DNAH1: variants seen among roughly 807,000 people sequenced by gnomAD.
DNAH1 encodes axonemal beta dynein heavy chain 1.
DNAH1 carries 327 observed loss-of-function variants against 484.3 expected under a neutral mutation model. The ratio of observed to expected loss-of-function variants is 0.68; its 90% CI spans 0.62 to 0.74. The LOEUF is 0.74. Ranked by LOEUF, DNAH1 falls within the 30% of genes least tolerant of loss-of-function variation. DNAH1 has a pLI of 0.00. For synonymous variants in DNAH1, 2,192 were observed against 2,191.9 expected (o/e 1.00, Z 0.00); for missense variants, 5,052 against 5,546.8 (o/e 0.91, Z 2.83).
chr3:52,367,765 A>T (rs973347888), intron 36 of DNAH1, among the ~76,000 whole-genome samples: 2 of 152,038 alleles, frequency 1.3e-5, no homozygotes, highest in African/African-American at 4.8e-5. Flanking sequence ...TAGAGACAAG[A>T]TTTCACCATG....
chr3:52,374,498 T>A (rs1476093644), intron 44 of DNAH1: 4 of 1,447,204 alleles, frequency 2.8e-6, no homozygotes, highest in South Asian at 1.1e-5. Context: ...CGATTTTAGA[T>A]GTCATTGAAC....
chr3:52,394,493 G>C lies in DNAH1; in HGVS notation c.10655G>C (p.Gly3552Ala). ...GAGTGGCGATACCTCCTGTCTGGGG[G>C]CTCCATCTCGATCATGACTGAGAAT... ...QSEWRYLLSG[G>A]SISIMTENPA... The change falls in exon 67 of 78, where the codon GGC becomes GCC. Residue 3552 changes from glycine (G) to alanine (A), a missense_variant. Gly to Ala is a moderately conservative substitution (Grantham distance 60). Coordinates refer to ENST00000420323, the MANE Select transcript of DNAH1 (RefSeq NM_015512.5). 6.2e-7 allele frequency: 1 copy of C among 1,613,982 alleles called. No homozygotes were observed. Among genetic ancestry groups the C allele is most frequent in the Non-Finnish European group, 8.5e-7 (1 of 1,179,866 alleles).
intron 11 of DNAH1, 85 bp downstream of exon 11, chr3:52,346,855 C>A (rs1455845018): frequency 7.0e-7 from 1 of 1,437,378 alleles, no homozygotes; most frequent in Non-Finnish European, 9.4e-7. Flanking sequence ...GGACCAGGGC[C>A]AGGGTGCCCA....
intron 34 of DNAH1, among the ~76,000 whole-genome samples, 181 bp from the exon 35 acceptor site, chr3:52,366,276 C>A (rs1345446033): frequency 2.0e-5 from 3 of 152,230 alleles, no homozygotes; most frequent in East Asian, 3.8e-4. Context: ...CTGCCAAGTT[C>A]TGTGCTTAGG....
chr3:52,391,045 C>G lies in DNAH1; in HGVS notation c.9732C>G (p.Ile3244Met). The change falls in exon 61 of 78, where the codon ATC (isoleucine) becomes ATG (methionine). Residue 3244 changes from isoleucine to methionine, a missense_variant. By Grantham distance (10) the Ile-to-Met change is conservative. Transcript: ENST00000420323. The stretch of plus-strand genomic sequence containing the variant: ...CTCAGAGCCAGGCCAACAAATGGAT[C>G]AAGAACATGGTGAGCCCACCCACCA... ...IDPQSQANKW[I>M]KNMEKDNGLD... is the part of the protein sequence containing the mutation. 6.4e-7 allele frequency: 1 copy of G among 1,563,116 alleles called. No individual in the cohort carries two copies. The highest frequency in any genetic ancestry group is 8.7e-7 in the Non-Finnish European group (1 of 1,153,544).
chr3:52,311,174 A>G, the DNAH1 span, among the ~76,000 whole-genome samples: 2 of 152,134 alleles, frequency 1.3e-5, no homozygotes, highest in South Asian at 2.1e-4. Context: ...GCTCCTCCCT[A>G]TGGGGGCACC....
chr3:52,350,116 AGGCACACG>A lies in DNAH1; in HGVS notation c.2646+14_2646+21del, dbSNP rs1321238853. ...AGGCTGGTGGGCCTGGAGGTGAGGC[AGGCACACG>A]GGCACTGGGGCCAGGGAGGCACAGG... On this transcript the variant is annotated intron_variant, in intron 15 of 77. Transcript: ENST00000420323. 13 of 1,609,238 alleles carry A rather than the reference AGGCACACG, an allele frequency of 8.1e-6. No homozygotes were observed. The Admixed American group carries it at 1.3e-4, about 17-fold the overall frequency.
rs776689300 is a variant in DNAH1 at position 52,373,008 on chromosome 3, C to A, written c.6940C>A (p.Arg2314Ser). ...YGAQPPIELL[R>S]QWMDHGGWYD... Reference sequence around the variant, plus strand: ...TGCACAGCCACCCATCGAGCTGTTGCGCCAGTGGATGGACCACGGCGGCTG... The same window carrying A: ...TGCACAGCCACCCATCGAGCTGTTGAGCCAGTGGATGGACCACGGCGGCTG... Residue 2314 changes from arginine to serine, a missense_variant, in exon 44 of 78, where the codon CGC becomes AGC. Physicochemically the swap from Arg to Ser is moderately radical, Grantham distance 110 (BLOSUM62 -1). Transcript: ENST00000420323. 1 of 1,613,544 alleles carries A rather than the reference C, an allele frequency of 6.2e-7. No homozygotes were observed. Among genetic ancestry groups the A allele is most frequent in the South Asian group, 1.1e-5 (1 of 91,082 alleles).
rs755578221 is a variant in DNAH1 at position 52,395,420 on chromosome 3, T to G, written c.11081T>G (p.Met3694Arg). ...GACCTCTACAAGTTTGCCGAAGAAA[T>G]GAAGTTCTCCAAAAAGCTCTCTGCC... ...AADLYKFAEE[M>R]KFSKKLSAIS... Residue 3694 changes from methionine to arginine, a missense_variant, in exon 69 of 78, where the codon ATG (methionine) becomes AGG (arginine). Transcript: ENST00000420323. This position sits in a 1 kb window ranked among gnomAD's most constrained non-coding sequence, Gnocchi z 4.4. 2.5e-6 allele frequency: 4 copies of G among 1,613,828 alleles called. No homozygotes were observed. Among genetic ancestry groups the G allele is most frequent in the Admixed American group, 1.7e-5 (1 of 60,018 alleles).
intron 6 of DNAH1, among the ~76,000 whole-genome samples, chr3:52,330,676 C>CTGCCCTGCCG (rs1701511487): frequency 6.6e-6 from 1 of 152,300 alleles, no homozygotes; most frequent in Admixed American, 6.5e-5. Context: ...CTGCCCTGCC[C>CTGCCCTGCCG]TGCCCTGCCG....
In DNAH1 at chr3:52,386,678, G is replaced by A. The variant is rs755531127; in HGVS notation, c.8828G>A (p.Arg2943Gln). 1.3e-5 allele frequency: 21 copies of A among 1,585,250 alleles called. No individual in the cohort carries two copies. The East Asian group carries it at 3.2e-4, about 24-fold the overall frequency. Residue 2943 changes from arginine to glutamine, a missense_variant, in exon 56 of 78, where the codon CGG becomes CAG. Around this residue, in one of 4 missense-constraint regions of DNAH1, gnomAD observed 2,929 missense variants for 3,409.4 expected, o/e 0.86. Transcript: ENST00000420323. ...NDVTEVRAMQ[R>Q]PPPGVKLVIE... ...GGCCTGCAGGTACGTGCCATGCAGC[G>A]GCCACCCCCGGGTGTGAAACTGGTC...
Position 52,399,610 on chromosome 3 carries a change from A to T in DNAH1, c.12507A>T (p.Leu4169Phe). 1.2e-6 allele frequency: 2 copies of T among 1,613,986 alleles called. No individual in the cohort carries two copies. Among genetic ancestry groups the T allele is most frequent in the Non-Finnish European group, 1.7e-6 (2 of 1,179,890 alleles). ...RPQVGCYIHG[L>F]FLEGARWDPE... ...AAGTAGGGTGCTATATCCATGGATT[A>T]TTCCTGGAAGGTGCCCGCTGGGATC... The change falls in exon 77 of 78, where the codon TTA becomes TTT. Residue 4169 changes from leucine to phenylalanine, a missense_variant. By Grantham distance (22) the Leu-to-Phe change is conservative. Transcript: ENST00000420323.
At chr3:52,347,460 G>T (rs1305418612) in intron 11 of DNAH1, among the ~76,000 whole-genome samples, 1 of 152,164 alleles carries the variant, frequency 6.6e-6, no homozygotes, top group Admixed American at 6.5e-5. Flanking sequence ...CCATCAGAGG[G>T]TTCCAGCTGG....
Position 52,353,777 on chromosome 3 carries a change from A to G in DNAH1, c.3480+144A>G. 1 of 1,096,228 alleles carries G rather than the reference A, an allele frequency of 9.1e-7. No homozygotes were observed. Among genetic ancestry groups the G allele is most frequent in the Non-Finnish European group, 1.3e-6 (1 of 776,482 alleles). 67.9% of individuals were successfully genotyped at this position (1,096,228 alleles called of 1,614,324 possible). ...TCATGAGGCCCAGGGGTTGAGATGC[A>G]TTCTATTAAGTGAGTTAATAATGCA... On this transcript the variant is annotated intron_variant, in intron 20 of 77. Coordinates refer to ENST00000420323, the MANE Select transcript of DNAH1 (RefSeq NM_015512.5). This position sits in a 1 kb window ranked among gnomAD's most constrained non-coding sequence, Gnocchi z 5.0.
At chr3:52,333,735 G>A (rs1275464465) in intron 8 of DNAH1, among the ~76,000 whole-genome samples, 3 of 152,056 alleles carry the variant, frequency 2.0e-5, no homozygotes, top group Non-Finnish European at 4.4e-5. Context: ...GCATTCAGTA[G>A]AAACTGTACT....
At position 52,363,135 on chromosome 3, in the gene DNAH1, C is replaced by T. The variant is rs1702932790; in HGVS notation, c.5235C>T (p.Leu1745=). The T allele has an allele frequency of 1.9e-6, 3 of 1,613,800 alleles. No homozygotes were observed. Among genetic ancestry groups the T allele is most frequent in the South Asian group, 2.2e-5 (2 of 91,076 alleles). Residue 1745 remains leucine, a synonymous_variant, in exon 32 of 78, where the codon CTC becomes CTT. Transcript: ENST00000420323. ...CCTTCAAGCTGTCTTCTGAGCAGCT[C>T]AGCTCCCAGGTGTGGTCCTGCCCTG... ...TTTFKLSSEQ[L]SSQDHYDFGM...
chr3:52,385,403 G>C lies in DNAH1; in HGVS notation c.8581G>C (p.Glu2861Gln). The C allele has an allele frequency of 1.3e-6, 2 of 1,552,750 alleles. No homozygotes were observed. Among genetic ancestry groups the C allele is most frequent in the Non-Finnish European group, 1.7e-6 (2 of 1,147,552 alleles). Residue 2861 changes from glutamate (E) to glutamine (Q), a missense_variant, in exon 54 of 78, where the codon GAG becomes CAG. Physicochemically the swap from Glu to Gln is conservative, Grantham distance 29 (BLOSUM62 2). Around this residue, in one of 4 missense-constraint regions of DNAH1, gnomAD observed 2,929 missense variants for 3,409.4 expected, o/e 0.86. Transcript: ENST00000420323. The stretch of plus-strand genomic sequence containing the variant: ...CCTGGAGAGTATGCACCCCCTGCTG[G>C]AGGAGGCTGCCAAGGACACCATGCT... ...EDLESMHPLLEEAAKDTMLTM... is the reference protein window; with the variant it reads ...EDLESMHPLLQEAAKDTMLTM...
At chr3:52,319,485 A>G (rs926535567) in intron 1 of DNAH1, among the ~76,000 whole-genome samples, 1 of 152,252 alleles carries the variant, frequency 6.6e-6, no homozygotes, top group Non-Finnish European at 1.5e-5. Context: ...GATGATGCAT[A>G]AAATAAGTCT....
chr3:52,400,139 G>T (rs932995538), intron 77 of DNAH1, among the ~76,000 whole-genome samples, 186 bp from the exon 78 acceptor site: 1 of 152,196 alleles, frequency 6.6e-6, no homozygotes, highest in Non-Finnish European at 1.5e-5. Flanking sequence ...CCTATCTTCA[G>T]TCCCCAATAC....
Sources: allele counts gnomAD v4.1 joint callset (sites outside exome capture counted in the v4.1 genomes callset), GRCh38; gene constraint gnomAD v4.1.1; regional missense constraint gnomAD v4.1.1; non-coding constraint Gnocchi (gnomAD v3.1); transcripts MANE v1.5; gene names NCBI Gene and HGNC (gene_info 2026-07-23, HGNC 2026-07-21).